The following ZC3H12B variants were observed in gnomAD, a reference collection of about 807,000 sequenced individuals.
ZC3H12B encodes zinc finger CCCH-type containing 12B.
A neutral mutation model predicts 43.9 loss-of-function variants in ZC3H12B; 7 were observed. That is an observed-to-expected ratio of 0.16 (90% CI 0.09 to 0.30). ZC3H12B has a LOEUF of 0.30. Among genes scored for constraint, ZC3H12B ranks in the 10% least tolerant of loss-of-function variants. The pLI is 1.00. For missense variants in ZC3H12B, 475 were observed against 670.2 expected (o/e 0.71, Z 3.22); for synonymous variants, 222 against 241.7 (o/e 0.92, Z 0.76).
chrX:65,086,744 T>A, the ZC3H12B span, among the ~76,000 whole-genome samples: 5 of 112,169 alleles, frequency 4.5e-5, no homozygotes, highest in African/African-American at 6.5e-5. Flanking sequence ...GACTTTCCTG[T>A]CTCCAGAACT....
chrX:65,140,979 T>G, the ZC3H12B span, among the ~76,000 whole-genome samples: 3 of 112,028 alleles, frequency 2.7e-5, no homozygotes, highest in Middle Eastern at 4.6e-3. Flanking sequence ...CTAAAAGTTG[T>G]TGATTCTGTT....
chrX:65,218,004 C>G, the ZC3H12B span, among the ~76,000 whole-genome samples: 1 of 111,901 alleles, frequency 8.9e-6, no homozygotes, highest in Non-Finnish European at 1.9e-5. Context: ...AAGACTATAT[C>G]AAATGTTCAA....
At chrX:65,358,456 A>C in the ZC3H12B span, among the ~76,000 whole-genome samples, 33 of 112,009 alleles carry the variant, frequency 2.9e-4, no homozygotes, top group Middle Eastern at 9.2e-3. Context: ...CAGCAAATGC[A>C]AAAGAACGGA....
the ZC3H12B span, among the ~76,000 whole-genome samples, chrX:65,192,805 T>TAGATAGATAGAC: frequency 9.0e-6 from 1 of 111,201 alleles, no homozygotes; most frequent in African/African-American, 3.3e-5. Flanking sequence ...GATAGATAGA[T>TAGATAGATAGAC]TGTTTTTGAG....
the ZC3H12B span, among the ~76,000 whole-genome samples, chrX:65,279,410 C>T: frequency 2.9e-5 from 3 of 102,205 alleles, no homozygotes; most frequent in African/African-American, 1.1e-4. Context: ...GAGCTTTTTT[C>T]ATATGATTGT....
chrX:65,162,465 G>T, the ZC3H12B span, among the ~76,000 whole-genome samples: 2 of 111,347 alleles, frequency 1.8e-5, no homozygotes, highest in Non-Finnish European at 3.8e-5. Context: ...TTTGTTCATT[G>T]CTTTTTATTC....
At chrX:65,163,096 G>T in the ZC3H12B span, among the ~76,000 whole-genome samples, 2 of 111,072 alleles carry the variant, frequency 1.8e-5, no homozygotes, top group Non-Finnish European at 3.8e-5. Context: ...TTTGTGAACC[G>T]TGAATGCTGC....
chrX:65,472,383 T>C (rs918253633), intron 3 of ZC3H12B, among the ~76,000 whole-genome samples: 9 of 87,425 alleles, frequency 1.0e-4, no homozygotes, highest in African/African-American at 4.7e-4. Context: ...ACAGAAGTTG[T>C]TTTTTTTGTT....
At chrX:65,241,376 G>A in the ZC3H12B span, among the ~76,000 whole-genome samples, 3 of 109,936 alleles carry the variant, frequency 2.7e-5, no homozygotes, top group African/African-American at 1.0e-4. Flanking sequence ...GACTCCTCAT[G>A]AGGACCACCT....
At chrX:65,178,255 G>A in the ZC3H12B span, among the ~76,000 whole-genome samples, 4 of 111,905 alleles carry the variant, frequency 3.6e-5, no homozygotes, top group Admixed American at 3.8e-4. Flanking sequence ...CTTATACAAA[G>A]ATTAACTCAA....
the ZC3H12B span, among the ~76,000 whole-genome samples, chrX:65,261,124 A>C: frequency 8.9e-6 from 1 of 112,038 alleles, no homozygotes; most frequent in Non-Finnish European, 1.9e-5. Flanking sequence ...CTAACCATAG[A>C]GATTAACATA....
chrX:65,164,445 A>T, the ZC3H12B span, among the ~76,000 whole-genome samples: 1 of 111,215 alleles, frequency 9.0e-6, no homozygotes, highest in Non-Finnish European at 1.9e-5. Context: ...GGAGGATATA[A>T]CTCTTGTGAC....
At chrX:65,139,439 C>T in the ZC3H12B span, among the ~76,000 whole-genome samples, 1 of 111,367 alleles carries the variant, frequency 9.0e-6, no homozygotes, top group Non-Finnish European at 1.9e-5. Flanking sequence ...TCTGTATTGG[C>T]CTATATGTCT....
chrX:65,224,276 A>G, the ZC3H12B span, among the ~76,000 whole-genome samples: 57 of 112,669 alleles, frequency 5.1e-4, 1 homozygote, highest in African/African-American at 1.8e-3. Flanking sequence ...GAATGATACA[A>G]TTGCCTTTGA....
the ZC3H12B span, among the ~76,000 whole-genome samples, chrX:65,282,010 T>C: frequency 8.9e-6 from 1 of 111,957 alleles, no homozygotes; most frequent in Non-Finnish European, 1.9e-5. Context: ...AAAAATATAT[T>C]GTCTCAAAAG....
intron 2 of ZC3H12B, among the ~76,000 whole-genome samples, chrX:65,391,482 T>G (rs185930026): frequency 2.8e-4 from 31 of 111,449 alleles, no homozygotes; most frequent in Non-Finnish European, 4.9e-4. Context: ...ATTATGTGAA[T>G]TATATTGTGA....
the ZC3H12B span, among the ~76,000 whole-genome samples, chrX:65,160,916 C>G: frequency 4.5e-5 from 5 of 110,835 alleles, no homozygotes; most frequent in African/African-American, 1.3e-4. Flanking sequence ...AAATTTCCCT[C>G]TACACAGTGC....
chrX:65,276,559 GA>G, the ZC3H12B span, among the ~76,000 whole-genome samples: 1 of 108,955 alleles, frequency 9.2e-6, no homozygotes, highest in East Asian at 2.9e-4. Flanking sequence ...GTGTCTGGCA[GA>G]AAAAAAAACT....
chrX:65,129,623 C>T, the ZC3H12B span, among the ~76,000 whole-genome samples: 1 of 111,119 alleles, frequency 9.0e-6, no homozygotes, highest in Admixed American at 9.6e-5. Flanking sequence ...TTGCTTCAGG[C>T]CATCTGGATG....
Sources: gnomAD v4.1 joint callset for allele counts (sites outside exome capture counted in the v4.1 genomes callset) on GRCh38, gnomAD v4.1.1 for gene constraint, MANE v1.5 for transcripts, NCBI Gene and HGNC (gene_info 2026-07-23, HGNC 2026-07-21) for gene names.